Variants in XIST observed in about 807,000 individuals in gnomAD.
XIST encodes the protein X inactive specific transcript.
At chrX:73,840,356 G>A (rs1922562993) in intron 1 of XIST, among the ~76,000 whole-genome samples, 1 of 111,072 alleles carries the variant, frequency 9.0e-6, no homozygotes, top group African/African-American at 3.3e-5. Flanking sequence ...ATATGGATAT[G>A]AATTAAAACG....
At chrX:73,825,040 A>T (rs1302102584) in exon 6 of XIST, 24 of 513,405 alleles carry the variant, frequency 4.7e-5, no homozygotes, top group Non-Finnish European at 7.0e-5. Flanking sequence ...TAGTTTACAA[A>T]GCACTTTAAT....
chrX:73,847,674 T>C (rs763926610), exon 1 of XIST: 8 of 528,377 alleles, frequency 1.5e-5, no homozygotes, highest in South Asian at 4.8e-5. Context: ...ACATTTGAAA[T>C]GTCTTAGACA....
chrX:73,846,784 T>A (rs1262352973), exon 1 of XIST: 2 of 559,105 alleles, frequency 3.6e-6, no homozygotes, highest in Non-Finnish European at 6.5e-6. Context: ...CATGCTGTCC[T>A]TCAAAAGGAA....
Position 73,844,353 on chromosome X carries a change from T to C in XIST, n.8371A>G, listed in dbSNP as rs371604979. 8 of 556,366 alleles carry C rather than the reference T, an allele frequency of 1.4e-5. No homozygotes were observed. The African/African-American group carries it at 1.6e-4, about 11-fold the overall frequency. 45.9% of individuals were successfully genotyped at this position (556,366 alleles called of 1,213,427 possible). ...TATAAGAATCTTAAAAAGTAGTGGG[T>C]ACTCCTTGTTGAAAAGCAAAGGGAG... On this transcript the variant is annotated non_coding_transcript_exon_variant, in exon 1 of 6. Coordinates refer to ENST00000429829, the Ensembl canonical transcript of XIST.
chrX:73,845,178 TC>T (rs1922715339), exon 1 of XIST: 3 of 553,691 alleles, frequency 5.4e-6, no homozygotes, highest in Non-Finnish European at 9.7e-6. Context: ...AATGTAAGGG[TC>T]TTATGGAGCG....
At chrX:73,845,543 C>G (rs746153239) in exon 1 of XIST, 1 of 554,586 alleles carries the variant, frequency 1.8e-6, no homozygotes, top group Non-Finnish European at 3.2e-6. Flanking sequence ...GCTTTCATGT[C>G]TATTACACAG....
At chrX:73,835,508 A>C (rs1366134930) in intron 2 of XIST, among the ~76,000 whole-genome samples, 4 of 112,183 alleles carry the variant, frequency 3.6e-5, no homozygotes, top group Non-Finnish European at 7.5e-5. Flanking sequence ...TAGTAGTGCC[A>C]TATTTGCATT....
At chrX:73,826,972 G>C (rs1253279031) in exon 6 of XIST, 2 of 556,864 alleles carry the variant, frequency 3.6e-6, no homozygotes, top group Non-Finnish European at 6.5e-6. Context: ...GCCACCCTCT[G>C]TTTTCTTGGC....
At position 73,849,558 on chromosome X, in the gene XIST, G is replaced by T. The variant is rs1437181751; in HGVS notation, n.3166C>A. 3 of 558,379 alleles carry T rather than the reference G, an allele frequency of 5.4e-6. No homozygotes were observed. The South Asian group carries it at 6.7e-5, about 12-fold the overall frequency. 46.0% of individuals were successfully genotyped at this position (558,379 alleles called of 1,213,427 possible). A position where few individuals can be genotyped will look rare whatever the true frequency, so the allele number is the denominator to read the frequency against. ...AAATGATAAGTAACTCAAATTGTGGGCAATAATGCTCTGATAGAAAGCTCT... is the reference window on the plus strand; with the variant it reads ...AAATGATAAGTAACTCAAATTGTGGTCAATAATGCTCTGATAGAAAGCTCT... On this transcript the variant is annotated non_coding_transcript_exon_variant, in exon 1 of 6. Transcript: ENST00000429829.
chrX:73,823,911 G>A (rs763383305), exon 6 of XIST: 2 of 555,635 alleles, frequency 3.6e-6, no homozygotes, highest in South Asian at 2.2e-5. Context: ...ATGTAGTTCC[G>A]AGCCCCACAG....
intron 1 of XIST, among the ~76,000 whole-genome samples, chrX:73,839,825 C>T (rs1922553489): frequency 9.1e-6 from 1 of 109,663 alleles, no homozygotes; most frequent in Admixed American, 1.0e-4. Flanking sequence ...TATAATCAAT[C>T]CACCTAAAAT....
chrX:73,844,879 T>C lies in XIST; in HGVS notation n.7845A>G, dbSNP rs889939579. The C allele has an allele frequency of 1.8e-5, 10 of 554,298 alleles. No individual in the cohort carries two copies. The African/African-American group carries it at 1.8e-4, about 10-fold the overall frequency. 45.7% of individuals were successfully genotyped at this position (554,298 alleles called of 1,213,427 possible). On this transcript the variant is annotated non_coding_transcript_exon_variant, in exon 1 of 6. Transcript: ENST00000429829. ...GAATTGTGCACCTTGACTGTCCAAA[T>C]GTAAGGTTCTTATGGAGCTGGCACT...
chrX:73,847,826 A>G, exon 1 of XIST: 1 of 559,245 alleles, frequency 1.8e-6, no homozygotes, highest in Non-Finnish European at 3.2e-6. Flanking sequence ...ATAGGTTTAA[A>G]GGGAGAGACC....
exon 1 of XIST, chrX:73,851,774 A>G (rs368480495): frequency 7.2e-6 from 4 of 558,931 alleles, no homozygotes; most frequent in African/African-American, 2.2e-5. Context: ...AGTTTAACTT[A>G]GCACAAACGA....
chrX:73,843,667 T>C, exon 1 of XIST: 1 of 558,090 alleles, frequency 1.8e-6, no homozygotes, highest in Non-Finnish European at 3.2e-6. Flanking sequence ...AAAGCAAAGG[T>C]GGTACAGGAA....
chrX:73,850,284 A>T (rs754189424), exon 1 of XIST: 1 of 551,075 alleles, frequency 1.8e-6, no homozygotes, highest in East Asian at 3.3e-5. Flanking sequence ...CTGCCAAAAA[A>T]AGGTTAAGGA....
exon 1 of XIST, chrX:73,843,894 G>A (rs1415484874): frequency 1.8e-6 from 1 of 556,462 alleles, no homozygotes; most frequent in East Asian, 3.3e-5. Flanking sequence ...GATGGGGTAT[G>A]ACCTTAATCT....
exon 6 of XIST, chrX:73,822,458 A>T (rs776819452): frequency 1.9e-5 from 10 of 515,117 alleles, no homozygotes; most frequent in Admixed American, 7.9e-5. Flanking sequence ...CTCTGGGGCC[A>T]AAAACCTTAT....
exon 1 of XIST, chrX:73,850,608 G>A (rs1341385488): frequency 5.6e-6 from 3 of 534,799 alleles, no homozygotes; most frequent in South Asian, 4.8e-5. Flanking sequence ...TCCTTGCCAC[G>A]GCTCACCACC....
Sources: allele counts gnomAD v4.1 joint callset (sites outside exome capture counted in the v4.1 genomes callset), GRCh38; gene constraint gnomAD v4.1.1; transcripts MANE v1.5; gene names NCBI Gene and HGNC (gene_info 2026-07-23, HGNC 2026-07-21).